CLTC: variants seen among roughly 807,000 people sequenced by gnomAD.
CLTC encodes clathrin heavy chain.
Under a neutral mutation model 195.8 loss-of-function variants are expected in CLTC, and 16 were observed. The ratio of observed to expected loss-of-function variants is 0.08; its 90% CI spans 0.06 to 0.12. CLTC has a LOEUF of 0.12. Among genes scored for constraint, CLTC ranks in the 10% least tolerant of loss-of-function variants. CLTC has a pLI of 1.00. For synonymous variants in CLTC, 667 were observed against 689.4 expected, an observed-to-expected ratio of 0.97 and a Z score of 0.51; for missense variants, 796 against 2,027.0, an observed-to-expected ratio of 0.39 and a Z score of 11.66.
intron 1 of CLTC, among the ~76,000 whole-genome samples, chr17:59,627,293 C>T (rs1459882935): frequency 6.6e-6 from 1 of 152,128 alleles, no homozygotes; most frequent in Non-Finnish European, 1.5e-5. Context: ...TGTTTGAGCA[C>T]CTATTACGTG....
intron 1 of CLTC, among the ~76,000 whole-genome samples, chr17:59,632,106 C>T (rs941418336): frequency 2.0e-5 from 3 of 152,128 alleles, no homozygotes; most frequent in East Asian, 3.9e-4. Flanking sequence ...TGGTGGCTCA[C>T]GCCTGTAATC....
rs77517755 is a variant in CLTC at position 59,647,801 on chromosome 17, T to C, written c.519+135T>C. On this transcript the variant is annotated intron_variant, in intron 3 of 31. Transcript: ENST00000269122. ...CACTTATTTTGGAAGACTTTTTTTT[T>C]CCTTCCTCCCATCCCTTCTCTTCTC... is the stretch of plus-strand genomic sequence containing the variant. The C allele has an allele frequency of 6.5e-6, 5 of 767,092 alleles. No homozygotes were observed. The Admixed American group carries it at 8.5e-5, about 13-fold the overall frequency. 47.5% of individuals were successfully genotyped at this position (767,092 alleles called of 1,614,324 possible).
At chr17:59,665,084 A>C (rs1222611741) in intron 10 of CLTC, among the ~76,000 whole-genome samples, 175 bp downstream of exon 10, 1 of 152,048 alleles carries the variant, frequency 6.6e-6, no homozygotes, top group East Asian at 1.9e-4. Flanking sequence ...AATCAGCTGC[A>C]TGTGGTGGCA....
chr17:59,644,225 T>C, intron 1 of CLTC, 51 bp from the exon 2 acceptor site: 7 of 1,468,824 alleles, frequency 4.8e-6, no homozygotes, highest in Non-Finnish European at 6.6e-6. Flanking sequence ...TATATGAATG[T>C]CAAGTCTTTG....
chr17:59,658,411 G>A (rs893733782), intron 6 of CLTC, among the ~76,000 whole-genome samples: 5 of 152,180 alleles, frequency 3.3e-5, no homozygotes, highest in Admixed American at 2.6e-4. Context: ...CATTCTTGGT[G>A]TTCATAACTC....
intron 4 of CLTC, 66 bp from the exon 5 acceptor site, chr17:59,651,137 A>C: frequency 1.0e-6 from 1 of 999,662 alleles, no homozygotes; most frequent in Non-Finnish European, 1.5e-6. Context: ...GGGGGCTACA[A>C]ATAAAGCTGC....
chr17:59,678,838 C>T (rs1428731569), intron 17 of CLTC, among the ~76,000 whole-genome samples: 1 of 82,600 alleles, frequency 1.2e-5, no homozygotes, highest in Non-Finnish European at 2.4e-5. Flanking sequence ...CCCGTCTCTA[C>T]AAAAAATTAC....
At chr17:59,626,246 T>C (rs1439932214) in intron 1 of CLTC, among the ~76,000 whole-genome samples, 1 of 152,230 alleles carries the variant, frequency 6.6e-6, no homozygotes, top group African/African-American at 2.4e-5. Flanking sequence ...TGTTGTCTAC[T>C]TGATTGTGGA....
intron 13 of CLTC, among the ~76,000 whole-genome samples, chr17:59,667,859 C>T (rs2032765741): frequency 6.6e-6 from 1 of 152,136 alleles, no homozygotes; most frequent in Non-Finnish European, 1.5e-5. Flanking sequence ...TCCCCAACTG[C>T]CTTTCTCTCC....
At chr17:59,649,353 C>T (rs1289460300) in intron 4 of CLTC, among the ~76,000 whole-genome samples, 2 of 152,212 alleles carry the variant, frequency 1.3e-5, no homozygotes, top group Non-Finnish European at 2.9e-5. Flanking sequence ...ATTTCCACTA[C>T]CAGAGTAGCA....
intron 31 of CLTC, 165 bp downstream of exon 31, chr17:59,690,876 G>A: frequency 2.2e-6 from 1 of 465,000 alleles, no homozygotes; most frequent in South Asian, 4.3e-5. Flanking sequence ...TAAAGCAGGT[G>A]TTGATATTAT....
At chr17:59,656,666 A>ATTT (rs55669818) in intron 6 of CLTC, among the ~76,000 whole-genome samples, 97 of 96,198 alleles carry the variant, frequency 1.0e-3, no homozygotes, top group African/African-American at 1.1e-3. Flanking sequence ...TATTATTTTA[A>ATTT]TTTTTTTTTT....
chr17:59,674,875 T>A, intron 16 of CLTC, 32 bp downstream of exon 16: 1 of 1,597,124 alleles, frequency 6.3e-7, no homozygotes, highest in Non-Finnish European at 8.5e-7. Context: ...GATAAGTTAC[T>A]CTTTCTTAAC....
Position 59,666,456 on chromosome 17 carries a change from C to G in CLTC, c.1783-24C>G. The G allele has an allele frequency of 6.2e-7, 1 of 1,607,152 alleles. No homozygotes were observed. Among genetic ancestry groups the G allele is most frequent in the Non-Finnish European group, 8.5e-7 (1 of 1,175,414 alleles). ...TCATGTAAGTGGAGTGGACAATAAA[C>G]TTGCCTTGTTTGTGGTTTTACAGGT... On this transcript the variant is annotated intron_variant, in intron 11 of 31. Transcript: ENST00000269122. This position sits in a 1 kb window ranked among gnomAD's most constrained non-coding sequence, Gnocchi z 4.9.
Position 59,668,800 on chromosome 17 carries a change from A to G in CLTC, c.2152A>G (p.Ile718Val). The G allele has an allele frequency of 6.2e-7, 1 of 1,608,280 alleles. No individual in the cohort carries two copies. The change falls in exon 14 of 32, where the codon ATT becomes GTT. Residue 718 changes from isoleucine (I) to valine (V), a missense_variant. Ile to Val is a conservative substitution (Grantham distance 29, BLOSUM62 3). Transcript: ENST00000269122. ...AGGTCTCTTTTATTTTCTGGGATCC[A>G]TTGTTAACTTTAGCCAGGACCCAGA... is the stretch of plus-strand genomic sequence containing the variant. The part of the protein sequence containing the change: ...FEGLFYFLGS[I>V]VNFSQDPDVH...
intron 1 of CLTC, among the ~76,000 whole-genome samples, chr17:59,638,858 A>G (rs1203479776): frequency 6.6e-6 from 1 of 152,002 alleles, no homozygotes; most frequent in Admixed American, 6.6e-5. Flanking sequence ...CCGAAGTACT[A>G]TTTTCTCATT....
intron 1 of CLTC, among the ~76,000 whole-genome samples, chr17:59,632,385 AT>A (rs1310336364): frequency 9.9e-5 from 14 of 142,130 alleles, no homozygotes; most frequent in Non-Finnish European, 1.6e-4. Flanking sequence ...AAAAAAAAAG[AT>A]TTTTAGAAAC....
In CLTC at chr17:59,663,970, A is replaced by G. The variant is rs1425760290; in HGVS notation, c.1497A>G (p.Gln499=). The G allele has an allele frequency of 1.2e-6, 2 of 1,613,548 alleles. No individual in the cohort carries two copies. The highest frequency in any genetic ancestry group is 1.7e-5 in the Admixed American group (1 of 59,888). The part of the protein sequence containing the change: ...IQCFAETGQV[Q]KIVLYAKKVG... The stretch of plus-strand genomic sequence containing the variant: ...GCTTTGCAGAAACAGGTCAAGTCCA[A>G]AAGATTGTTTTATATGCTAAAAAAG... Residue 499 remains glutamine (Q), a synonymous_variant, in exon 9 of 32, where the codon CAA becomes CAG. Coordinates refer to ENST00000269122, the MANE Select transcript of CLTC (RefSeq NM_004859.4).
intron 6 of CLTC, chr17:59,656,289 G>A (rs1008251500): frequency 3.3e-6 from 1 of 303,308 alleles, no homozygotes. Context: ...CTTTAATCCT[G>A]TCTCAGAGAA....
Sources: gnomAD v4.1 joint callset for allele counts (sites outside exome capture counted in the v4.1 genomes callset) on GRCh38, gnomAD v4.1.1 for gene constraint, Gnocchi (gnomAD v3.1) non-coding constraint, MANE v1.5 for transcripts, NCBI Gene and HGNC (gene_info 2026-07-23, HGNC 2026-07-21) for gene names.